The following SORCS3 variants were observed in gnomAD, a reference collection of about 807,000 sequenced individuals.
SORCS3 encodes sortilin related VPS10 domain containing receptor 3.
Under a neutral mutation model 146.3 loss-of-function variants are expected in SORCS3, and 57 were observed. The observed-to-expected ratio is 0.39, with a 90% CI of 0.31 to 0.49. SORCS3 has a LOEUF of 0.49. SORCS3 is among the 20% of genes least tolerant of loss of function. The probability of loss-of-function intolerance (pLI) is 0.92; values close to 1 mark genes in which losing one functional copy is unlikely to be tolerated. For synonymous variants in SORCS3, 653 were observed against 618.5 expected (o/e 1.06, Z -0.83); for missense variants, 1,341 against 1,575.5 (o/e 0.85, Z 2.52).
chr10:105,146,157 C>T (rs2056129880), intron 8 of SORCS3, among the ~76,000 whole-genome samples: 2 of 152,074 alleles, frequency 1.3e-5, no homozygotes, highest in African/African-American at 4.8e-5. Flanking sequence ...TATGTTTATG[C>T]AGTTTTTAAC....
chr10:104,935,012 G>T (rs1404790), intron 3 of SORCS3, among the ~76,000 whole-genome samples: 14,973 of 152,214 alleles, frequency 0.098, 811 homozygotes, highest in South Asian at 0.24. Flanking sequence ...AGTGGGGAAT[G>T]TTGGCTTGTT....
chr10:104,646,037 G>T (rs952731228), intron 1 of SORCS3, among the ~76,000 whole-genome samples: 1 of 152,204 alleles, frequency 6.6e-6, no homozygotes, highest in African/African-American at 2.4e-5. Context: ...TTTTCAATTA[G>T]TATTACAAGG....
intron 1 of SORCS3, among the ~76,000 whole-genome samples, chr10:104,838,206 G>A (rs1236765414): frequency 6.6e-6 from 1 of 152,082 alleles, no homozygotes; most frequent in Non-Finnish European, 1.5e-5. Context: ...AGGTTTTGCT[G>A]TAGATCCGGA....
chr10:104,899,485 C>T lies in SORCS3; in HGVS notation c.696-16348C>T, dbSNP rs149908926. On this transcript the variant is annotated intron_variant, in intron 2 of 26. Coordinates refer to ENST00000369701, the MANE Select transcript of SORCS3 (RefSeq NM_014978.3). ...CCATGCCAAGTTTTCCCACCTACAT[C>T]CAGTGCTTCATATGCAAACAGCCTA... 2.5e-4 allele frequency among the ~76,000 whole-genome samples: 38 copies of T among 152,302 alleles called. 1 individual carries two copies. In the East Asian group the frequency reaches 6.2e-3, roughly 25 times the overall value.
At chr10:105,108,659 G>A (rs1181731868) in intron 7 of SORCS3, among the ~76,000 whole-genome samples, 1 of 152,122 alleles carries the variant, frequency 6.6e-6, no homozygotes. Flanking sequence ...TCAATGATGT[G>A]GGAACCAATG....
chr10:105,040,368 C>G (rs1023657387), intron 4 of SORCS3, among the ~76,000 whole-genome samples: 8 of 152,084 alleles, frequency 5.3e-5, no homozygotes, highest in East Asian at 3.9e-4. Flanking sequence ...CGCTTTTGGC[C>G]AACAACAGTC....
At chr10:105,226,562 T>C (rs1186701729) in intron 20 of SORCS3, among the ~76,000 whole-genome samples, 1 of 152,084 alleles carries the variant, frequency 6.6e-6, no homozygotes, top group African/African-American at 2.4e-5. Context: ...AGGGTAATGC[T>C]GGTCTTGTAG....
intron 25 of SORCS3, among the ~76,000 whole-genome samples, chr10:105,257,263 A>G (rs868017507): frequency 6.6e-6 from 1 of 152,236 alleles, no homozygotes; most frequent in Non-Finnish European, 1.5e-5. Context: ...ATGTTTTTAT[A>G]TGGATCAACA....
chr10:104,904,728 A>G (rs2018886363), intron 2 of SORCS3, among the ~76,000 whole-genome samples: 1 of 152,096 alleles, frequency 6.6e-6, no homozygotes, highest in Non-Finnish European at 1.5e-5. Context: ...AGAGTTAAAG[A>G]AAAACACACC....
At chr10:105,067,506 G>A (rs1041641139) in intron 5 of SORCS3, among the ~76,000 whole-genome samples, 1 of 152,208 alleles carries the variant, frequency 6.6e-6, no homozygotes, top group Admixed American at 6.5e-5. Context: ...CTGCCTGGGC[G>A]ACAGACTGAG....
chr10:104,909,260 C>T (rs1477399210), intron 2 of SORCS3, among the ~76,000 whole-genome samples: 2 of 152,174 alleles, frequency 1.3e-5, no homozygotes, highest in Admixed American at 6.5e-5. Flanking sequence ...AAAAGTTTGC[C>T]AACCTGAGCT....
intron 1 of SORCS3, among the ~76,000 whole-genome samples, chr10:104,835,193 A>G (rs1048884313): frequency 6.6e-6 from 1 of 152,028 alleles, no homozygotes; most frequent in Non-Finnish European, 1.5e-5. Context: ...TACTCCCTGC[A>G]GGGGAGGCTC....
intron 3 of SORCS3, among the ~76,000 whole-genome samples, chr10:104,960,080 T>C (rs1220567892): frequency 6.6e-6 from 1 of 152,156 alleles, no homozygotes; most frequent in Admixed American, 6.5e-5. Flanking sequence ...GCCCGTCCCA[T>C]CAGTTGAGTT....
At chr10:104,852,337 C>A (rs1377844267) in intron 2 of SORCS3, among the ~76,000 whole-genome samples, 4 of 152,154 alleles carry the variant, frequency 2.6e-5, no homozygotes, top group African/African-American at 9.7e-5. Context: ...GGTAAGCATG[C>A]TTTCCTGGCC....
intron 20 of SORCS3, among the ~76,000 whole-genome samples, chr10:105,229,790 G>A (rs891208144): frequency 4.6e-5 from 7 of 152,132 alleles, no homozygotes; most frequent in South Asian, 2.1e-4. Context: ...AGCAGTGTAC[G>A]TTGGCCTTGG....
chr10:105,208,406 G>T (rs1361597660), intron 16 of SORCS3, among the ~76,000 whole-genome samples: 1 of 150,744 alleles, frequency 6.6e-6, no homozygotes, highest in Admixed American at 6.6e-5. Flanking sequence ...ATATTTAACT[G>T]CTGGCTCTCT....
At chr10:104,674,592 C>T (rs1162462858) in intron 1 of SORCS3, among the ~76,000 whole-genome samples, 3 of 152,180 alleles carry the variant, frequency 2.0e-5, no homozygotes, top group Middle Eastern at 3.2e-3. Flanking sequence ...TGACATCTTT[C>T]GTAATGCCTT....
At chr10:104,918,248 A>G (rs2177741) in intron 3 of SORCS3, among the ~76,000 whole-genome samples, 49,648 of 151,926 alleles carry the variant, frequency 0.33, 9,635 homozygotes, top group African/African-American at 0.54. Context: ...AACCCAAGAT[A>G]TCCATGGAGT....
intron 1 of SORCS3, among the ~76,000 whole-genome samples, chr10:104,803,779 G>A (rs556290369): frequency 5.1e-4 from 78 of 152,144 alleles, no homozygotes; most frequent in African/African-American, 1.8e-3. Flanking sequence ...TTACTTCTGG[G>A]TTCTCATGAA....
Sources: gnomAD v4.1 joint callset for allele counts (sites outside exome capture counted in the v4.1 genomes callset) on GRCh38, gnomAD v4.1.1 for gene constraint, MANE v1.5 for transcripts, NCBI Gene and HGNC (gene_info 2026-07-23, HGNC 2026-07-21) for gene names.